Variants in PTPRR observed in about 807,000 individuals in gnomAD.
PTPRR encodes the protein receptor-type tyrosine-protein phosphatase R.
Under a neutral mutation model 77.2 loss-of-function variants are expected in PTPRR, and 38 were observed. The ratio of observed to expected loss-of-function variants is 0.49; its 90% CI spans 0.38 to 0.65. The LOEUF is 0.65. PTPRR is among the 30% of genes least tolerant of loss of function. The pLI, the probability that PTPRR is intolerant of heterozygous loss-of-function variation, is 0.00. For missense variants in PTPRR, 744 were observed against 799.2 expected (o/e 0.93, Z 0.83); for synonymous variants, 299 against 283.1 (o/e 1.06, Z -0.57).
In PTPRR at chr12:70,678,406, A is replaced by G. The variant is rs1320041665; in HGVS notation, c.1497+5721T>C. 2.6e-5 allele frequency among the ~76,000 whole-genome samples: 4 copies of G among 151,880 alleles called. No homozygotes were observed. The East Asian group carries it at 5.8e-4, about 22-fold the overall frequency. ...GCGTTTTCAGATTTTCTATTTCTTC[A>G]TTGTTCAATCTTGGAAGGTTGCATG... On this transcript the variant is annotated intron_variant, in intron 10 of 13. Coordinates refer to ENST00000283228, the MANE Select transcript of PTPRR (RefSeq NM_002849.4).
At chr12:70,645,245 T>TGTTC (rs1259244818) in intron 13 of PTPRR, among the ~76,000 whole-genome samples, 17 of 152,206 alleles carry the variant, frequency 1.1e-4, no homozygotes, top group South Asian at 4.1e-4. Flanking sequence ...AGTTTTCCAT[T>TGTTC]GTTCACAAAG....
chr12:70,827,417 G>A (rs1892130286), intron 2 of PTPRR, among the ~76,000 whole-genome samples: 1 of 152,182 alleles, frequency 6.6e-6, no homozygotes, highest in Admixed American at 6.5e-5. Context: ...CAAAGTGCTG[G>A]TAGAGTCAGT....
chr12:70,770,981 A>C (rs1890958472), intron 2 of PTPRR, among the ~76,000 whole-genome samples: 1 of 120,956 alleles, frequency 8.3e-6, no homozygotes, highest in Non-Finnish European at 1.6e-5. Flanking sequence ...AGGAAGGGGA[A>C]CATCACACTC....
intron 10 of PTPRR, among the ~76,000 whole-genome samples, chr12:70,665,668 C>T (rs905901328): frequency 3.3e-5 from 5 of 151,692 alleles, no homozygotes; most frequent in African/African-American, 1.2e-4. Context: ...AGGCGTGAGC[C>T]ACTGCGCCCG....
At chr12:70,801,842 C>T (rs1368537833) in intron 2 of PTPRR, among the ~76,000 whole-genome samples, 1 of 152,158 alleles carries the variant, frequency 6.6e-6, no homozygotes, top group Admixed American at 6.6e-5. Flanking sequence ...ATATATCCAT[C>T]TAATATTACT....
chr12:70,754,774 C>A, intron 4 of PTPRR: 1 of 1,494,480 alleles, frequency 6.7e-7, no homozygotes, highest in Non-Finnish European at 8.9e-7. Flanking sequence ...AATACAGCAA[C>A]AATGCCAGCA....
chr12:70,765,923 G>A lies in PTPRR; in HGVS notation c.358-1145C>T, dbSNP rs566827682. ...AAACAGGGTCTGGAGTAGACCTCTA[G>A]AAAACTCCAACAGACCTGCAGCTGA... is the stretch of plus-strand genomic sequence containing the variant. On this transcript the variant is annotated intron_variant, in intron 2 of 13. Coordinates refer to ENST00000283228, the MANE Select transcript of PTPRR (RefSeq NM_002849.4). Among the ~76,000 whole-genome samples the A allele has an allele frequency of 2.6e-5, 4 of 152,308 alleles. 1 individual carries two copies. The South Asian group carries it at 8.3e-4, about 32-fold the overall frequency.
At chr12:70,702,952 C>T (rs1888484288) in intron 6 of PTPRR, among the ~76,000 whole-genome samples, 2 of 151,800 alleles carry the variant, frequency 1.3e-5, no homozygotes, top group South Asian at 2.1e-4. Flanking sequence ...TATCTATCTG[C>T]ACATATATAC....
chr12:70,910,983 A>G (rs1893690819), intron 1 of PTPRR, among the ~76,000 whole-genome samples: 1 of 152,222 alleles, frequency 6.6e-6, no homozygotes, highest in African/African-American at 2.4e-5. Context: ...AACTGAAGCT[A>G]TAAATAATAG....
At chr12:70,681,735 C>A (rs965969185) in intron 10 of PTPRR, among the ~76,000 whole-genome samples, 10 of 152,114 alleles carry the variant, frequency 6.6e-5, no homozygotes, top group Non-Finnish European at 1.0e-4. Flanking sequence ...CTTCTCTAGT[C>A]GGCTCTCTTG....
intron 10 of PTPRR, 92 bp from the exon 11 acceptor site, chr12:70,662,697 A>G: frequency 1.6e-6 from 1 of 619,224 alleles, no homozygotes; most frequent in Non-Finnish European, 2.8e-6. Context: ...GTTTTATATC[A>G]TTAGTTTTAA....
At chr12:70,646,467 T>C (rs896328825) in intron 13 of PTPRR, among the ~76,000 whole-genome samples, 3 of 152,206 alleles carry the variant, frequency 2.0e-5, no homozygotes, top group African/African-American at 7.2e-5. Flanking sequence ...AGTTCCATTT[T>C]TTTTTCCTCT....
intron 2 of PTPRR, among the ~76,000 whole-genome samples, chr12:70,843,808 A>AT (rs201003875): frequency 0.04 from 4,938 of 124,520 alleles, 106 homozygotes; most frequent in Non-Finnish European, 0.06. Flanking sequence ...GTTGCTGAAA[A>AT]TTTTTTTTTT....
chr12:70,845,297 T>C (rs931772774), intron 2 of PTPRR, among the ~76,000 whole-genome samples: 2 of 152,008 alleles, frequency 1.3e-5, no homozygotes, highest in Admixed American at 1.3e-4. Context: ...GGGAACATAT[T>C]AGGAAGGAAT....
At position 70,646,694 on chromosome 12, in the gene PTPRR, C is replaced by G. The variant is rs117320257; in HGVS notation, c.1881-7417G>C. ...CCAAGTGTCCTTAAAATAAGCAAAT[C>G]AAAATGTTGAATTCCTGATCTTCAA... On this transcript the variant is annotated intron_variant, in intron 13 of 13. Coordinates refer to ENST00000283228, the MANE Select transcript of PTPRR (RefSeq NM_002849.4). Among the ~76,000 whole-genome samples the G allele has an allele frequency of 3.9e-5, 6 of 152,176 alleles. 1 individual carries two copies. The South Asian group carries it at 1.2e-3, about 32-fold the overall frequency.
At chr12:70,845,588 C>T (rs1004721882) in intron 2 of PTPRR, among the ~76,000 whole-genome samples, 29 of 152,070 alleles carry the variant, frequency 1.9e-4, no homozygotes, top group African/African-American at 6.5e-4. Flanking sequence ...CCCAGCTCTC[C>T]GTATTTTTAA....
At chr12:70,705,722 A>ATT (rs35564239) in intron 6 of PTPRR, among the ~76,000 whole-genome samples, 2 of 149,090 alleles carry the variant, frequency 1.3e-5, no homozygotes, top group African/African-American at 4.9e-5. Flanking sequence ...GACTTCCGAG[A>ATT]TTTTTTTTTT....
intron 2 of PTPRR, among the ~76,000 whole-genome samples, chr12:70,776,360 A>G (rs376847919): frequency 4.0e-4 from 61 of 152,320 alleles, no homozygotes; most frequent in African/African-American, 1.4e-3. Flanking sequence ...TAACTGGACT[A>G]TTTGGCTAGA....
chr12:70,703,777 T>A (rs1888516241), intron 6 of PTPRR, among the ~76,000 whole-genome samples: 1 of 152,132 alleles, frequency 6.6e-6, no homozygotes, highest in Non-Finnish European at 1.5e-5. Flanking sequence ...TCAGTCAAAT[T>A]TTCAGCCTCA....
Sources: gnomAD v4.1 joint callset for allele counts (sites outside exome capture counted in the v4.1 genomes callset) on GRCh38, gnomAD v4.1.1 for gene constraint, MANE v1.5 for transcripts, NCBI Gene and HGNC (gene_info 2026-07-23, HGNC 2026-07-21) for gene names.